The following GSE1 variants were observed in gnomAD, a reference collection of about 807,000 sequenced individuals.
GSE1 encodes the protein genetic suppressor element 1.
Under a neutral mutation model 112.6 loss-of-function variants are expected in GSE1, and 32 were observed. The ratio of observed to expected loss-of-function variants is 0.28; its 90% CI spans 0.21 to 0.38. The LOEUF (loss-of-function observed/expected upper bound fraction) is 0.38, where lower values mean the gene tolerates loss of function less well. GSE1 is among the 10% of genes least tolerant of loss of function. The pLI is 1.00. For missense variants in GSE1, 2,348 were observed against 1,699.2 expected, an observed-to-expected ratio of 1.38 and a Z score of -6.71; for synonymous variants, 1,115 against 735.6, an observed-to-expected ratio of 1.52 and a Z score of -8.35.
At chr16:85,196,003 G>A (rs957031791) in intron 1 of GSE1, among the ~76,000 whole-genome samples, 9 of 152,270 alleles carry the variant, frequency 5.9e-5, no homozygotes, top group Admixed American at 2.0e-4. Context: ...ACACCCCAGC[G>A]GAGTCGGGGG....
At chr16:85,456,631 TGTGTGTGTGG>T (rs1455283116) in intron 2 of GSE1, among the ~76,000 whole-genome samples, 1 of 141,246 alleles carries the variant, frequency 7.1e-6, no homozygotes, top group Admixed American at 6.9e-5. Context: ...TGTGTGTGTG[TGTGTGTGTGG>T]TCTGCCATTT....
At chr16:85,477,318 T>C (rs4509999) in intron 2 of GSE1, among the ~76,000 whole-genome samples, 72,202 of 151,994 alleles carry the variant, frequency 0.48, 17,917 homozygotes, top group Non-Finnish European at 0.53. Flanking sequence ...TCAGTGAAGA[T>C]TCCGAATATG....
At chr16:85,643,277 C>G (rs547465846) in intron 2 of GSE1, among the ~76,000 whole-genome samples, 3 of 152,346 alleles carry the variant, frequency 2.0e-5, no homozygotes, top group African/African-American at 2.4e-5. Context: ...ACAGCAATCA[C>G]AGACCTTCCT....
intron 2 of GSE1, among the ~76,000 whole-genome samples, chr16:85,540,371 G>T (rs530014393): frequency 6.6e-6 from 1 of 152,138 alleles, no homozygotes; most frequent in African/African-American, 2.4e-5. Flanking sequence ...TCACTCACAC[G>T]GAATAGGTAG....
chr16:85,342,442 C>T (rs1043352839), intron 1 of GSE1, among the ~76,000 whole-genome samples: 2 of 152,214 alleles, frequency 1.3e-5, no homozygotes, highest in South Asian at 4.1e-4. Flanking sequence ...CTGGGTGAGG[C>T]GGCTCTGCTC....
chr16:85,402,595 G>A (rs759268237), intron 2 of GSE1, among the ~76,000 whole-genome samples: 36 of 152,300 alleles, frequency 2.4e-4, no homozygotes, highest in Middle Eastern at 6.8e-3. Flanking sequence ...GGAGCGCGGC[G>A]CTGGGCCTGC....
chr16:85,564,211 C>G (rs1201146607), intron 1 of GSE1, among the ~76,000 whole-genome samples: 1 of 152,160 alleles, frequency 6.6e-6, no homozygotes, highest in African/African-American at 2.4e-5. Flanking sequence ...GCACTAAAAG[C>G]AGGCTTTGGA....
chr16:85,633,529 C>T (rs1216758595), intron 1 of GSE1, among the ~76,000 whole-genome samples: 2 of 152,230 alleles, frequency 1.3e-5, no homozygotes, highest in Admixed American at 6.5e-5. Flanking sequence ...GGATGCGGGC[C>T]GCACGCCTCC....
At chr16:85,188,428 G>C (rs2074753727) in intron 1 of GSE1, among the ~76,000 whole-genome samples, 1 of 152,102 alleles carries the variant, frequency 6.6e-6, no homozygotes, top group African/African-American at 2.4e-5. Context: ...CTGTTCTGGA[G>C]AGCTGTCACC....
intron 2 of GSE1, among the ~76,000 whole-genome samples, chr16:85,395,043 C>G (rs2047935038): frequency 6.6e-6 from 1 of 152,088 alleles, no homozygotes; most frequent in African/African-American, 2.4e-5. Flanking sequence ...CCTGGGCATT[C>G]TCGACGCGGG....
upstream of GSE1, among the ~76,000 whole-genome samples, chr16:85,554,013 G>C (rs753115227): frequency 1.3e-5 from 2 of 152,196 alleles, no homozygotes; most frequent in Non-Finnish European, 1.5e-5. Flanking sequence ...CTCAAACCAT[G>C]ATTGTATCTG....
intron 2 of GSE1, among the ~76,000 whole-genome samples, chr16:85,399,999 G>A (rs77210070): frequency 0.027 from 4,113 of 152,300 alleles, 214 homozygotes; most frequent in Admixed American, 0.13. Flanking sequence ...CACACTGGGC[G>A]CACAGCAGCC....
chr16:85,614,923 C>T (rs1265996722), intron 1 of GSE1, among the ~76,000 whole-genome samples: 1 of 152,050 alleles, frequency 6.6e-6, no homozygotes, highest in Non-Finnish European at 1.5e-5. Flanking sequence ...CCCGCCTAAG[C>T]CGATTTCCAG....
chr16:85,613,638 G>T (rs2048151779), intron 1 of GSE1, among the ~76,000 whole-genome samples: 1 of 151,090 alleles, frequency 6.6e-6, no homozygotes, highest in Admixed American at 6.6e-5. Flanking sequence ...GGGGCTCCGG[G>T]CTCAGGAGTG....
intron 2 of GSE1, among the ~76,000 whole-genome samples, chr16:85,394,211 A>G (rs997135412): frequency 1.3e-5 from 2 of 151,914 alleles, no homozygotes; most frequent in Non-Finnish European, 2.9e-5. Flanking sequence ...GGTGGGAGGC[A>G]GCCGGGGGCC....
At chr16:85,202,803 C>T (rs575612125) in intron 1 of GSE1, among the ~76,000 whole-genome samples, 1 of 152,216 alleles carries the variant, frequency 6.6e-6, no homozygotes, top group South Asian at 2.1e-4. Flanking sequence ...CCAGGCCCAG[C>T]GTGGAGCCAG....
At chr16:85,602,437 G>T (rs973882979) in intron 1 of GSE1, among the ~76,000 whole-genome samples, 1 of 152,206 alleles carries the variant, frequency 6.6e-6, no homozygotes, top group African/African-American at 2.4e-5. Context: ...GGCTAATGGA[G>T]ACCCTTGGGC....
rs557913586 is a variant in GSE1 at position 85,250,049 on chromosome 16, C to T, written c.2283+78242C>T. ...AGGGCAAGGTTTGTGGAGCAGCATC[C>T]GCCTGGCTCCTGCTGCAGCTCCTGC... On this transcript the variant is annotated intron_variant, in intron 1 of 2. Transcript: ENST00000637419. 5.3e-5 allele frequency among the ~76,000 whole-genome samples: 8 copies of T among 152,344 alleles called. No individual in the cohort carries two copies. The South Asian group carries it at 1.0e-3, about 20-fold the overall frequency.
chr16:85,209,170 T>C (rs1433421556), intron 1 of GSE1, among the ~76,000 whole-genome samples: 1 of 152,220 alleles, frequency 6.6e-6, no homozygotes, highest in Non-Finnish European at 1.5e-5. Flanking sequence ...CTCTGCTCAC[T>C]GTGGCCCTGG....
Sources: allele counts gnomAD v4.1 joint callset (sites outside exome capture counted in the v4.1 genomes callset), GRCh38; gene constraint gnomAD v4.1.1; transcripts MANE v1.5; gene names NCBI Gene and HGNC (gene_info 2026-07-23, HGNC 2026-07-21).